Variants in PARD3B observed in about 807,000 individuals in gnomAD.
The protein encoded by PARD3B is par-3 family cell polarity regulator beta, also known as partitioning defective 3 homolog B.
In PARD3B, 103 loss-of-function variants were observed where a neutral mutation model predicts 130.2. That is an observed-to-expected ratio of 0.79 (90% CI 0.67 to 0.93). The LOEUF is 0.93. Ranked by LOEUF, PARD3B falls within the 40% of genes least tolerant of loss-of-function variation. The probability of loss-of-function intolerance (pLI) is 0.00; values close to 1 mark genes in which losing one functional copy is unlikely to be tolerated. For synonymous variants in PARD3B, 583 were observed against 553.2 expected, an observed-to-expected ratio of 1.05 and a Z score of -0.76; for missense variants, 1,609 against 1,499.2, an observed-to-expected ratio of 1.07 and a Z score of -1.21.
chr2:205,315,172 A>G (rs374443763), intron 18 of PARD3B, among the ~76,000 whole-genome samples: 120 of 152,276 alleles, frequency 7.9e-4, no homozygotes, highest in African/African-American at 2.7e-3. Context: ...ATGCAATGTA[A>G]CGTAGTAGCA....
Position 205,615,606 on chromosome 2 carries a change from C to T in PARD3B, c.3411C>T (p.Leu1137=). Residue 1137 remains leucine (L), a synonymous_variant, in exon 23 of 23, where the codon CTC becomes CTT. Coordinates refer to ENST00000406610, the MANE Select transcript of PARD3B (RefSeq NM_001302769.2). Reference sequence around the variant, plus strand: ...CCACAGAGCTCAGGGTGGCAGATCTCCGGTATCCTCAGCACTACCCACCCC... The same window carrying T: ...CCACAGAGCTCAGGGTGGCAGATCTTCGGTATCCTCAGCACTACCCACCCC... ...PRPTELRVAD[L]RYPQHYPPPP... 1.9e-6 allele frequency: 3 copies of T among 1,614,110 alleles called. No individual in the cohort carries two copies. The highest frequency in any genetic ancestry group is 1.1e-5 in the South Asian group (1 of 91,068).
intron 2 of PARD3B, among the ~76,000 whole-genome samples, chr2:204,945,590 GCTT>G: frequency 6.6e-6 from 1 of 152,334 alleles, no homozygotes; most frequent in Admixed American, 6.5e-5. Flanking sequence ...CTTAGTGAAT[GCTT>G]CTGATTGCGC....
intron 4 of PARD3B, among the ~76,000 whole-genome samples, chr2:205,052,902 G>A (rs1437482162): frequency 1.3e-5 from 2 of 152,036 alleles, no homozygotes; most frequent in Non-Finnish European, 2.9e-5. Flanking sequence ...TCTAAGATTG[G>A]GGGTAAAGGA....
intron 20 of PARD3B, among the ~76,000 whole-genome samples, chr2:205,447,943 G>T (rs565386556): frequency 2.0e-5 from 3 of 152,254 alleles, no homozygotes; most frequent in East Asian, 3.9e-4. Context: ...CAGCATCTAA[G>T]CCTCATTAAC....
intron 1 of PARD3B, among the ~76,000 whole-genome samples, chr2:204,634,810 G>A (rs1388920956): frequency 1.3e-5 from 2 of 152,102 alleles, no homozygotes; most frequent in South Asian, 2.1e-4. Flanking sequence ...GATGATCATC[G>A]CTTAGGTCTA....
intron 18 of PARD3B, among the ~76,000 whole-genome samples, chr2:205,305,862 T>C (rs1229745733): frequency 6.6e-6 from 1 of 152,204 alleles, no homozygotes; most frequent in African/African-American, 2.4e-5. Context: ...TTAATTATTA[T>C]AGTAAACATA....
intron 19 of PARD3B, among the ~76,000 whole-genome samples, chr2:205,429,839 T>C (rs1241702005): frequency 1.3e-5 from 2 of 152,196 alleles, no homozygotes; most frequent in African/African-American, 4.8e-5. Flanking sequence ...GCAGAGTTGC[T>C]TCTTTCCAGA....
intron 5 of PARD3B, among the ~76,000 whole-genome samples, chr2:205,109,251 TC>T (rs1460177064): frequency 3.9e-5 from 6 of 152,318 alleles, no homozygotes; most frequent in Admixed American, 2.0e-4. Flanking sequence ...CACAGATTCT[TC>T]CTGGAGGTTT....
chr2:205,560,436 T>A (rs773525745), intron 22 of PARD3B, among the ~76,000 whole-genome samples: 1 of 150,338 alleles, frequency 6.7e-6, no homozygotes, highest in East Asian at 2.0e-4. Context: ...AATTGCTAGA[T>A]GAACATTAAG....
intron 18 of PARD3B, among the ~76,000 whole-genome samples, chr2:205,356,898 A>AAC (rs2044214398): frequency 6.6e-6 from 1 of 151,766 alleles, no homozygotes; most frequent in Non-Finnish European, 1.5e-5. Flanking sequence ...CTCAAAAAAA[A>AAC]AAAAAAAATA....
chr2:205,101,557 T>A (rs751558186), intron 4 of PARD3B, among the ~76,000 whole-genome samples: 5 of 152,128 alleles, frequency 3.3e-5, no homozygotes, highest in African/African-American at 4.8e-5. Flanking sequence ...AGAAAGCATA[T>A]GTTCACACAA....
intron 4 of PARD3B, among the ~76,000 whole-genome samples, chr2:205,087,502 T>C (rs1701809187): frequency 6.6e-6 from 1 of 152,172 alleles, no homozygotes; most frequent in African/African-American, 2.4e-5. Context: ...TTTCTCTTTT[T>C]TTTTCTTGCT....
At chr2:204,824,091 G>T (rs2125551494) in intron 2 of PARD3B, among the ~76,000 whole-genome samples, 1 of 152,300 alleles carries the variant, frequency 6.6e-6, no homozygotes, top group Admixed American at 6.5e-5. Context: ...AAAGCACAGT[G>T]AGCAAGAACA....
At chr2:204,856,290 TGATTAGAGATG>T (rs2044935482) in intron 2 of PARD3B, among the ~76,000 whole-genome samples, 1 of 152,202 alleles carries the variant, frequency 6.6e-6, no homozygotes, top group Non-Finnish European at 1.5e-5. Context: ...ATTTCTTTGA[TGATTAGAGATG>T]TTGAGCATTA....
intron 3 of PARD3B, among the ~76,000 whole-genome samples, chr2:205,038,093 C>T (rs946992677): frequency 4.1e-4 from 62 of 152,064 alleles, no homozygotes; most frequent in African/African-American, 1.4e-3. Flanking sequence ...TGATCTAGGA[C>T]ATTTTTAGGT....
At chr2:204,950,801 TC>T (rs1689705417) in intron 2 of PARD3B, among the ~76,000 whole-genome samples, 1 of 151,912 alleles carries the variant, frequency 6.6e-6, no homozygotes, top group Admixed American at 6.6e-5. Flanking sequence ...GCAGAAGATA[TC>T]TCATAGGCGC....
rs560708271 is a variant in PARD3B, at chr2:205,116,509, G to A, written c.681-2412G>A. The stretch of plus-strand genomic sequence containing the variant: ...TAATTCTGTGAGGCTGTGGATTTCA[G>A]CATCCTTTATCACTGTTCATTAATG... On this transcript the variant is annotated intron_variant, in intron 6 of 22. Transcript: ENST00000406610. This position sits in a 1 kb window ranked among gnomAD's most constrained non-coding sequence, Gnocchi z 4.5. 2.0e-5 allele frequency among the ~76,000 whole-genome samples: 3 copies of A among 152,164 alleles called. No individual in the cohort carries two copies. Among genetic ancestry groups the A allele is most frequent in the Admixed American group, 1.3e-4 (2 of 15,274 alleles).
chr2:204,988,102 C>G (rs913379274), intron 3 of PARD3B, among the ~76,000 whole-genome samples: 1 of 152,028 alleles, frequency 6.6e-6, no homozygotes. Context: ...TGGAGAAGTT[C>G]TGGAGAGAAA....
chr2:204,715,688 G>A (rs368237858), intron 2 of PARD3B, among the ~76,000 whole-genome samples: 5 of 152,086 alleles, frequency 3.3e-5, no homozygotes, highest in African/African-American at 9.7e-5. Flanking sequence ...AGAAAAGTTT[G>A]GGGGCTGCTT....
Sources: gnomAD v4.1 joint callset for allele counts (sites outside exome capture counted in the v4.1 genomes callset) on GRCh38, gnomAD v4.1.1 for gene constraint, Gnocchi (gnomAD v3.1) non-coding constraint, MANE v1.5 for transcripts, NCBI Gene and HGNC (gene_info 2026-07-23, HGNC 2026-07-21) for gene names.